Variants in PSMD1 observed in about 807,000 individuals in gnomAD.
The protein encoded by PSMD1 is proteasome 26S subunit, non-ATPase 1, also known as 26S proteasome non-ATPase regulatory subunit 1.
A neutral mutation model predicts 119.0 loss-of-function variants in PSMD1; 18 were observed. That is an observed-to-expected ratio of 0.15 (90% CI 0.10 to 0.22). The LOEUF is 0.22. Ranked by LOEUF, PSMD1 falls within the 10% of genes least tolerant of loss-of-function variation. PSMD1 has a pLI of 1.00. For synonymous variants in PSMD1, 374 were observed against 396.6 expected (o/e 0.94, Z 0.68); for missense variants, 702 against 1,158.5 (o/e 0.61, Z 5.72).
intron 16 of PSMD1, among the ~76,000 whole-genome samples, chr2:231,120,276 T>A (rs1189133229): frequency 1.3e-5 from 2 of 152,214 alleles, no homozygotes; most frequent in African/African-American, 4.8e-5. Flanking sequence ...TTAAATCACT[T>A]ATAAAATGAA....
intron 16 of PSMD1, among the ~76,000 whole-genome samples, chr2:231,132,443 T>G (rs1424097458): frequency 6.6e-6 from 1 of 152,172 alleles, no homozygotes; most frequent in Non-Finnish European, 1.5e-5. Context: ...ACCCTAAATA[T>G]AACCAGCTTT....
intron 1 of PSMD1, among the ~76,000 whole-genome samples, chr2:231,057,684 C>T (rs1044290329): frequency 1.3e-5 from 2 of 152,254 alleles, no homozygotes; most frequent in Non-Finnish European, 2.9e-5. Context: ...TGTGCTCAGT[C>T]TGTTGACTGT....
chr2:231,130,265 A>G (rs908487511), intron 16 of PSMD1, among the ~76,000 whole-genome samples: 1 of 152,210 alleles, frequency 6.6e-6, no homozygotes, highest in African/African-American at 2.4e-5. Flanking sequence ...GTCTAAGTAA[A>G]TATACTTTTT....
At chr2:231,108,947 G>A (rs1364650692) in intron 16 of PSMD1, 1 of 1,613,838 alleles carries the variant, frequency 6.2e-7, no homozygotes, top group African/African-American at 1.3e-5. Context: ...AATAAAGAAG[G>A]GACACCACAT....
At chr2:231,084,260 G>A (rs558277106) in intron 14 of PSMD1, among the ~76,000 whole-genome samples, 2 of 152,228 alleles carry the variant, frequency 1.3e-5, no homozygotes, top group East Asian at 3.9e-4. Flanking sequence ...CCTGAGGCAT[G>A]AGAATTGCTT....
intron 14 of PSMD1, 134 bp from the exon 15 acceptor site, chr2:231,084,885 C>T: frequency 1.5e-6 from 1 of 661,670 alleles, no homozygotes. Context: ...AAACTACCAA[C>T]CACAAAAGAG....
At chr2:231,058,686 G>A (rs983755652) in intron 1 of PSMD1, among the ~76,000 whole-genome samples, 8 of 151,846 alleles carry the variant, frequency 5.3e-5, no homozygotes, top group African/African-American at 1.2e-4. Flanking sequence ...TCTGATTCCC[G>A]CCTTGTCTTG....
At chr2:231,159,609 T>A (rs1283919860) in intron 19 of PSMD1, among the ~76,000 whole-genome samples, 1 of 152,228 alleles carries the variant, frequency 6.6e-6, no homozygotes, top group Non-Finnish European at 1.5e-5. Flanking sequence ...CTAAAGGCAT[T>A]TGAGTTGGTA....
chr2:231,081,315 A>G (rs1210126990), intron 12 of PSMD1, among the ~76,000 whole-genome samples: 1 of 152,170 alleles, frequency 6.6e-6, no homozygotes, highest in African/African-American at 2.4e-5. Flanking sequence ...AAAACAAAAC[A>G]AAACAAAACA....
At position 231,153,601 on chromosome 2, in the gene PSMD1, A is replaced by G. The variant is rs142822864; in HGVS notation, c.2153A>G (p.Asn718Ser). The change falls in exon 19 of 25, where the codon AAT becomes AGT. Residue 718 changes from asparagine to serine, a missense_variant. Transcript: ENST00000308696. The stretch of plus-strand genomic sequence containing the variant: ...AGACAGCTGTATTCCAAAGTCATCA[A>G]TGATAAGCATGATGATGTCATGGCC... ...QFRQLYSKVI[N>S]DKHDDVMAKF... 10 of 1,613,778 alleles carry G rather than the reference A, an allele frequency of 6.2e-6. No homozygotes were observed. Among genetic ancestry groups the G allele is most frequent in the South Asian group, 3.3e-5 (3 of 91,058 alleles).
chr2:231,166,524 T>G (rs1388072875), intron 23 of PSMD1, among the ~76,000 whole-genome samples: 3 of 151,882 alleles, frequency 2.0e-5, no homozygotes, highest in Middle Eastern at 3.4e-3. Context: ...TTTTTTTCTA[T>G]TTCATTACAC....
intron 16 of PSMD1, among the ~76,000 whole-genome samples, chr2:231,134,654 C>T (rs1298186873): frequency 6.6e-6 from 1 of 152,192 alleles, no homozygotes; most frequent in South Asian, 2.1e-4. Context: ...GTTTTTCTAC[C>T]TACTTTTCCT....
chr2:231,141,249 G>A (rs1231021177), intron 17 of PSMD1, among the ~76,000 whole-genome samples: 1 of 151,638 alleles, frequency 6.6e-6, no homozygotes, highest in Non-Finnish European at 1.5e-5. Flanking sequence ...TGCAGTGAGT[G>A]GAGATGGTCC....
intron 15 of PSMD1, 147 bp downstream of exon 15, chr2:231,085,261 C>A: frequency 1.5e-6 from 1 of 671,282 alleles, no homozygotes; most frequent in Non-Finnish European, 2.7e-6. Flanking sequence ...CCCAACAGGC[C>A]ATAACCTAGC....
At chr2:231,167,109 AATCTGT>A (rs1696803545) in intron 23 of PSMD1, among the ~76,000 whole-genome samples, 1 of 152,210 alleles carries the variant, frequency 6.6e-6, no homozygotes, top group East Asian at 1.9e-4. Context: ...GGTAAATGCT[AATCTGT>A]AGCACTGCCT....
At position 231,146,233 on chromosome 2, in the gene PSMD1, C is replaced by T. The variant is rs367685231; in HGVS notation, c.1999-7C>T. 7 of 1,594,678 alleles carry T rather than the reference C, an allele frequency of 4.4e-6. No homozygotes were observed. The highest frequency in any genetic ancestry group is 1.7e-4 in the Middle Eastern group (1 of 6,024). On this transcript the variant is annotated splice_region_variant and splice_polypyrimidine_tract_variant and intron_variant, in intron 17 of 24. Transcript: ENST00000308696. ...TAAAAGTTGTGTGTTTTTTTAAATTCTTTCAGGAAGCCATTAATTTGCTAG... is the reference window on the plus strand; with the variant it reads ...TAAAAGTTGTGTGTTTTTTTAAATTTTTTCAGGAAGCCATTAATTTGCTAG...
intron 1 of PSMD1, among the ~76,000 whole-genome samples, chr2:231,060,789 A>C (rs1693737516): frequency 6.6e-6 from 1 of 152,202 alleles, no homozygotes; most frequent in African/African-American, 2.4e-5. Flanking sequence ...CCATTTTTGT[A>C]AATAATCTTA....
In PSMD1 at chr2:231,108,444, T is replaced by C. The variant is rs1695029456; in HGVS notation, c.1883+21263T>C. 1.9e-5 allele frequency: 20 copies of C among 1,067,284 alleles called. No homozygotes were observed. The East Asian group carries it at 4.7e-4, about 25-fold the overall frequency. 66.1% of individuals were successfully genotyped at this position (1,067,284 alleles called of 1,614,324 possible). ...ATATGACATAAAATTCTTTATATAATATATTCTTGGCACATTTACATCTCA... is the reference window on the plus strand; with the variant it reads ...ATATGACATAAAATTCTTTATATAACATATTCTTGGCACATTTACATCTCA... On this transcript the variant is annotated intron_variant, in intron 16 of 24. Coordinates refer to ENST00000308696, the MANE Select transcript of PSMD1 (RefSeq NM_002807.4).
chr2:231,096,106 T>C (rs369391382), intron 16 of PSMD1, among the ~76,000 whole-genome samples: 9 of 152,334 alleles, frequency 5.9e-5, no homozygotes, highest in East Asian at 3.9e-4. Flanking sequence ...CTCCGTTCTT[T>C]CTAATGCTTT....
Sources: allele counts gnomAD v4.1 joint callset (sites outside exome capture counted in the v4.1 genomes callset), GRCh38; gene constraint gnomAD v4.1.1; transcripts MANE v1.5; gene names NCBI Gene and HGNC (gene_info 2026-07-23, HGNC 2026-07-21).